Variants in ZNF454 observed in about 807,000 individuals in gnomAD.
The protein encoded by ZNF454 is zinc finger protein 454.
Under a neutral mutation model 48.2 loss-of-function variants are expected in ZNF454, and 30 were observed. That is an observed-to-expected ratio of 0.62 (90% CI 0.47 to 0.84). The LOEUF is 0.84. Among genes scored for constraint, ZNF454 ranks in the 40% least tolerant of loss-of-function variants. The probability of loss-of-function intolerance (pLI) is 0.00; values close to 1 mark genes in which losing one functional copy is unlikely to be tolerated. For synonymous variants in ZNF454, 204 were observed against 211.4 expected (o/e 0.97, Z 0.30); for missense variants, 510 against 623.1 (o/e 0.82, Z 1.93).
Position 178,964,976 on chromosome 5 carries a change from C to A in ZNF454, c.572C>A (p.Ser191Ter). The A allele has an allele frequency of 1.9e-6, 3 of 1,614,062 alleles. No individual in the cohort carries two copies. The South Asian group carries it at 3.3e-5, about 18-fold the overall frequency. Reference sequence around the variant, plus strand: ...TGTGGAAAAGTCTTCTCTAAGAGTTCAACTCTTAATAAACATCAGAAAATT... The same window carrying A: ...TGTGGAAAAGTCTTCTCTAAGAGTTAAACTCTTAATAAACATCAGAAAATT... ...SECGKVFSKS[S>*]TLNKHQKIHN... The change falls in exon 5 of 5, where the codon TCA (serine) becomes TAA (stop). Residue 191 changes from serine to a stop codon, truncating the protein, a stop_gained. Coordinates refer to ENST00000519564, the MANE Select transcript of ZNF454 (RefSeq NM_001178089.3). LOFTEE classifies it high-confidence loss of function.
At position 178,946,797 on chromosome 5, in the gene ZNF454, C is replaced by T; in HGVS notation, c.161-100C>T. The T allele has an allele frequency of 8.8e-7, 1 of 1,134,982 alleles. No individual in the cohort carries two copies. The highest frequency in any genetic ancestry group is 1.3e-6 in the Non-Finnish European group (1 of 771,930). 70.3% of individuals were successfully genotyped at this position (1,134,982 alleles called of 1,614,324 possible). A position where few individuals can be genotyped will look rare whatever the true frequency, so the allele number is the denominator to read the frequency against. Reference sequence around the variant, plus strand: ...GACCCTGGGCTTTCCTATCAAGTCCCATTTCCCAGCAAGCTCTGAGGACCA... The same window carrying T: ...GACCCTGGGCTTTCCTATCAAGTCCTATTTCCCAGCAAGCTCTGAGGACCA... On this transcript the variant is annotated intron_variant, in intron 3 of 4. Coordinates refer to ENST00000519564, the MANE Select transcript of ZNF454 (RefSeq NM_001178089.3). This position sits in a 1 kb window ranked among gnomAD's most constrained non-coding sequence, Gnocchi z 4.5.
chr5:178,989,146 G>C, the ZNF454 span: 3 of 1,612,836 alleles, frequency 1.9e-6, no homozygotes, highest in Non-Finnish European at 2.5e-6. Context: ...CTGTCCTAGG[G>C]ATGCCCAGAG....
intron 4 of ZNF454, among the ~76,000 whole-genome samples, chr5:178,955,017 A>C (rs1245667140): frequency 6.6e-6 from 1 of 152,208 alleles, no homozygotes; most frequent in Non-Finnish European, 1.5e-5. Context: ...TTCTTGTGTA[A>C]GTTTTTGTGG....
intron 4 of ZNF454, among the ~76,000 whole-genome samples, chr5:178,958,232 G>A (rs997572675): frequency 1.3e-5 from 2 of 152,106 alleles, no homozygotes; most frequent in African/African-American, 4.8e-5. Context: ...GAAATAGAAC[G>A]TTACCAGCAC....
In ZNF454 at chr5:178,946,410, G is replaced by C; in HGVS notation, c.85G>C (p.Gly29Arg). 6.2e-7 allele frequency: 1 copy of C among 1,612,938 alleles called. No homozygotes were observed. The highest frequency in any genetic ancestry group is 2.2e-5 in the East Asian group (1 of 44,836). ...VAILFTQEEW[G>R]QLSPAQRALY... is the part of the protein sequence containing the mutation. ...TATACTGTTCACCCAGGAAGAGTGG[G>C]GGCAGCTGAGCCCCGCCCAGAGGGC... is the stretch of plus-strand genomic sequence containing the variant. The change falls in exon 3 of 5, where the codon GGG becomes CGG. Residue 29 changes from glycine (G) to arginine (R), a missense_variant. This residue lies in a region of ZNF454 where 354 missense variants were observed against 408.9 expected (regional missense o/e 0.87). Transcript: ENST00000519564. This position sits in a 1 kb window ranked among gnomAD's most constrained non-coding sequence, Gnocchi z 4.5.
rs372662992 is a variant in ZNF454, at chr5:178,960,361, G to A, written c.251-4294G>A. ...CAACTTCCACCTCCCCGGTTCAAGCGATTCTCCTGCCTCAGCCTCCGGAGT... is the reference window on the plus strand; with the variant it reads ...CAACTTCCACCTCCCCGGTTCAAGCAATTCTCCTGCCTCAGCCTCCGGAGT... On this transcript the variant is annotated intron_variant, in intron 4 of 4. Transcript: ENST00000519564. Among the ~76,000 whole-genome samples, 85 of 151,508 alleles carry A rather than the reference G, an allele frequency of 5.6e-4. 1 individual carries two copies. In the South Asian group the frequency reaches 7.9e-3, roughly 14 times the overall value.
At chr5:178,957,095 G>A (rs1309330494) in intron 4 of ZNF454, among the ~76,000 whole-genome samples, 1 of 151,988 alleles carries the variant, frequency 6.6e-6, no homozygotes, top group African/African-American at 2.4e-5. Context: ...TGTTGGCCAG[G>A]GTGGTCTCGA....
chr5:178,973,758 G>T, the ZNF454 span, among the ~76,000 whole-genome samples: 1 of 151,730 alleles, frequency 6.6e-6, no homozygotes, highest in East Asian at 1.9e-4. Context: ...CAGGAGAATG[G>T]CCTGAACCCA....
the ZNF454 span, among the ~76,000 whole-genome samples, chr5:178,972,754 G>T: frequency 6.6e-6 from 1 of 152,120 alleles, no homozygotes; most frequent in Non-Finnish European, 1.5e-5. Flanking sequence ...TGAGCCACGT[G>T]GGGGTGAGAG....
In ZNF454 at chr5:178,955,240, T is replaced by C. The variant is rs554834346; in HGVS notation, c.250+8254T>C. ...ACTGGTTAGGACCTCCTGCACAAAG[T>C]TGAGTAGGAGCTGTAGTGGGGTGGC... On this transcript the variant is annotated intron_variant, in intron 4 of 4. Transcript: ENST00000519564. Among the ~76,000 whole-genome samples, 7 of 152,294 alleles carry C rather than the reference T, an allele frequency of 4.6e-5. No homozygotes were observed. The South Asian group carries it at 1.0e-3, about 23-fold the overall frequency.
intron 4 of ZNF454, among the ~76,000 whole-genome samples, chr5:178,957,073 A>G (rs1196961549): frequency 2.0e-5 from 3 of 151,852 alleles, no homozygotes; most frequent in African/African-American, 4.8e-5. Context: ...TAGTAGAGAC[A>G]GGGTTTCACC....
rs755739860 is a variant in ZNF454 at position 178,946,357 on chromosome 5, A to G, written c.34-2A>G. 1 of 1,610,912 alleles carries G rather than the reference A, an allele frequency of 6.2e-7. No homozygotes were observed. The highest frequency in any genetic ancestry group is 2.2e-5 in the East Asian group (1 of 44,750). On this transcript the variant is annotated splice_acceptor_variant, in intron 2 of 4. Coordinates refer to ENST00000519564, the MANE Select transcript of ZNF454 (RefSeq NM_001178089.3). LOFTEE classifies it high-confidence loss of function. This position sits in a 1 kb window ranked among gnomAD's most constrained non-coding sequence, Gnocchi z 4.5. ...TCAAGGAGAATGAATTTGCTGTTGCAGGAATCGGTGACCTTCAAGGATGTG... is the reference window on the plus strand; with the variant it reads ...TCAAGGAGAATGAATTTGCTGTTGCGGGAATCGGTGACCTTCAAGGATGTG...
At chr5:178,987,118 G>A in the ZNF454 span, 2 of 871,854 alleles carry the variant, frequency 2.3e-6, no homozygotes, top group Non-Finnish European at 3.7e-6. Context: ...GCAAATCCAA[G>A]CCGCAGGGAG....
the ZNF454 span, among the ~76,000 whole-genome samples, chr5:178,972,469 G>A: frequency 6.6e-6 from 1 of 152,000 alleles, no homozygotes; most frequent in South Asian, 2.1e-4. Flanking sequence ...GGACAAGTCG[G>A]TGCTGCCTGG....
At chr5:178,984,517 T>C in the ZNF454 span, among the ~76,000 whole-genome samples, 1 of 151,988 alleles carries the variant, frequency 6.6e-6, no homozygotes, top group African/African-American at 2.4e-5. Flanking sequence ...CCCTTGTATC[T>C]GGAAAAGAGG....
At position 178,965,255 on chromosome 5, in the gene ZNF454, A is replaced by G. The variant is rs1760110398; in HGVS notation, c.851A>G (p.Asn284Ser). The G allele has an allele frequency of 6.2e-6, 10 of 1,614,250 alleles. No individual in the cohort carries two copies. The highest frequency in any genetic ancestry group is 6.8e-6 in the Non-Finnish European group (8 of 1,180,044). ...CNLCGKAFIRNIHLAHHHRIH... is the reference protein window; with the variant it reads ...CNLCGKAFIRSIHLAHHHRIH... ...TTATGTGGAAAAGCTTTTATCCGAAATATACACCTTGCCCATCATCATAGA... is the reference window on the plus strand; with the variant it reads ...TTATGTGGAAAAGCTTTTATCCGAAGTATACACCTTGCCCATCATCATAGA... Residue 284 changes from asparagine to serine, a missense_variant, in exon 5 of 5, where the codon AAT becomes AGT. By Grantham distance (46) the Asn-to-Ser change is conservative. Around this residue, in one of 3 missense-constraint regions of ZNF454, gnomAD observed 354 missense variants for 408.9 expected, o/e 0.87. Coordinates refer to ENST00000519564, the MANE Select transcript of ZNF454 (RefSeq NM_001178089.3). The surrounding 1 kb of genome is among the most constrained non-coding windows in gnomAD (Gnocchi z 5.2).
the ZNF454 span, chr5:178,986,907 C>T: frequency 3.3e-5 from 53 of 1,614,066 alleles, no homozygotes; most frequent in African/African-American, 8.0e-5. Context: ...TGCCATTGGT[C>T]GCCTGGTACT....
At position 178,946,386 on chromosome 5, in the gene ZNF454, A is replaced by G. The variant is rs780852042; in HGVS notation, c.61A>G (p.Ile21Val). ...QESVTFKDVA[I>V]LFTQEEWGQL... The stretch of plus-strand genomic sequence containing the variant: ...ATCGGTGACCTTCAAGGATGTGGCT[A>G]TACTGTTCACCCAGGAAGAGTGGGG... The change falls in exon 3 of 5, where the codon ATA (isoleucine) becomes GTA (valine). Residue 21 changes from isoleucine to valine, a missense_variant. Transcript: ENST00000519564. The surrounding 1 kb of genome is among the most constrained non-coding windows in gnomAD (Gnocchi z 4.5). 39 of 1,613,146 alleles carry G rather than the reference A, an allele frequency of 2.4e-5. No individual in the cohort carries two copies. The highest frequency in any genetic ancestry group is 3.3e-4 in the Middle Eastern group (2 of 6,058).
rs1040877489 is a variant in ZNF454, at chr5:178,946,567, G to A, written c.160+82G>A. On this transcript the variant is annotated intron_variant, in intron 3 of 4. Transcript: ENST00000519564. The surrounding 1 kb of genome is among the most constrained non-coding windows in gnomAD (Gnocchi z 4.5). ...TACATTGACACCATATAGAAGAGTC[G>A]GTTGGACCAACTGAGGACGCTGTCT... 4.3e-5 allele frequency: 64 copies of A among 1,502,814 alleles called. No homozygotes were observed. Among genetic ancestry groups the A allele is most frequent in the South Asian group, 3.3e-4 (24 of 72,310 alleles). 93.1% of individuals were successfully genotyped at this position (1,502,814 alleles called of 1,614,324 possible). A position where few individuals can be genotyped will look rare whatever the true frequency, so the allele number is the denominator to read the frequency against.
Sources: gnomAD v4.1 joint callset for allele counts (sites outside exome capture counted in the v4.1 genomes callset) on GRCh38, gnomAD v4.1.1 for gene constraint, gnomAD v4.1.1 regional missense constraint, Gnocchi (gnomAD v3.1) non-coding constraint, MANE v1.5 for transcripts, NCBI Gene and HGNC (gene_info 2026-07-23, HGNC 2026-07-21) for gene names.